The following NEGR1 variants were observed in gnomAD, a reference collection of about 807,000 sequenced individuals.
The protein encoded by NEGR1 is IgLON family member 4.
NEGR1 carries 10 observed loss-of-function variants against 40.9 expected under a neutral mutation model. The observed-to-expected ratio is 0.24, with a 90% CI of 0.15 to 0.42. The LOEUF is 0.42. Among genes scored for constraint, NEGR1 ranks in the 10% least tolerant of loss-of-function variants. NEGR1 has a pLI of 1.00. For synonymous variants in NEGR1, 185 were observed against 166.8 expected, an observed-to-expected ratio of 1.11 and a Z score of -0.84; for missense variants, 352 against 438.9, an observed-to-expected ratio of 0.80 and a Z score of 1.77.
At chr1:71,937,408 G>A (rs1362391561) in intron 1 of NEGR1, among the ~76,000 whole-genome samples, 1 of 152,182 alleles carries the variant, frequency 6.6e-6, no homozygotes, top group African/African-American at 2.4e-5. Flanking sequence ...GATAATTCTA[G>A]TGTGTCATTT....
intron 1 of NEGR1, among the ~76,000 whole-genome samples, chr1:71,994,545 AAC>A (rs1491375323): frequency 0.011 from 1,113 of 103,410 alleles, 21 homozygotes; most frequent in African/African-American, 0.045. Context: ...AAACAAAACA[AAC>A]AAAAAAAAAA....
chr1:71,463,403 A>G (rs1033025830), intron 6 of NEGR1: 1 of 152,138 alleles, frequency 6.6e-6, no homozygotes, highest in African/African-American at 2.4e-5. Flanking sequence ...AACGGGAACG[A>G]ACAATTTTTT....
chr1:71,674,620 A>AC (rs1652552684), intron 4 of NEGR1, among the ~76,000 whole-genome samples: 4 of 149,946 alleles, frequency 2.7e-5, no homozygotes, highest in Non-Finnish European at 5.9e-5. Flanking sequence ...ACACACACAC[A>AC]AATGTATACA....
intron 1 of NEGR1, among the ~76,000 whole-genome samples, chr1:72,249,386 C>T (rs1655010359): frequency 6.6e-6 from 1 of 152,146 alleles, no homozygotes; most frequent in African/African-American, 2.4e-5. Context: ...GTTTATTCTT[C>T]TTATGATTTG....
intron 3 of NEGR1, among the ~76,000 whole-genome samples, chr1:71,748,596 C>T (rs1401716821): frequency 4.6e-5 from 7 of 152,030 alleles, no homozygotes; most frequent in African/African-American, 9.7e-5. Context: ...CTTTGGTTTG[C>T]ATATTTACTT....
chr1:71,994,291 G>A (rs950960752), intron 1 of NEGR1, among the ~76,000 whole-genome samples: 3 of 152,120 alleles, frequency 2.0e-5, no homozygotes, highest in African/African-American at 7.2e-5. Flanking sequence ...CACTTTGGGA[G>A]GCCGAGGCGG....
chr1:72,137,491 A>G (rs1271711962), intron 1 of NEGR1, among the ~76,000 whole-genome samples: 1 of 152,090 alleles, frequency 6.6e-6, no homozygotes, highest in African/African-American at 2.4e-5. Context: ...AAAGTAACAC[A>G]AGAAGAGAAA....
chr1:71,860,170 G>A (rs1659901384), intron 2 of NEGR1, among the ~76,000 whole-genome samples: 1 of 150,422 alleles, frequency 6.6e-6, no homozygotes, highest in South Asian at 2.1e-4. Context: ...TGTGTGACTG[G>A]TAGAGGGCAG....
At chr1:72,225,390 CAA>C (rs1224554262) in intron 1 of NEGR1, among the ~76,000 whole-genome samples, 1 of 151,538 alleles carries the variant, frequency 6.6e-6, no homozygotes, top group Non-Finnish European at 1.5e-5. Context: ...AAATATAAAA[CAA>C]ACTTTTATTT....
chr1:72,106,497 A>T (rs776707153), intron 1 of NEGR1, among the ~76,000 whole-genome samples: 5 of 151,984 alleles, frequency 3.3e-5, no homozygotes, highest in Non-Finnish European at 7.4e-5. Flanking sequence ...TAAATTTCAG[A>T]TATCAATTTT....
At chr1:71,832,688 A>G (rs1298965233) in intron 2 of NEGR1, among the ~76,000 whole-genome samples, 1 of 152,066 alleles carries the variant, frequency 6.6e-6, no homozygotes, top group Non-Finnish European at 1.5e-5. Flanking sequence ...CCTCTTTAAC[A>G]TTGGACAGAG....
At chr1:71,705,076 T>A (rs1653841392) in intron 3 of NEGR1, among the ~76,000 whole-genome samples, 1 of 152,048 alleles carries the variant, frequency 6.6e-6, no homozygotes. Flanking sequence ...TTTAATTTTT[T>A]TCATAAAAAT....
chr1:71,604,517 TTAGAA>T (rs1367310061), intron 5 of NEGR1, among the ~76,000 whole-genome samples: 7 of 152,116 alleles, frequency 4.6e-5, no homozygotes, highest in African/African-American at 1.4e-4. Context: ...TAGTAAATAT[TTAGAA>T]TAGAAAAGAG....
chr1:72,098,643 T>C (rs1261356412), intron 1 of NEGR1, among the ~76,000 whole-genome samples: 4 of 152,124 alleles, frequency 2.6e-5, no homozygotes, highest in African/African-American at 9.7e-5. Context: ...AAATACTCTT[T>C]CTCATTTTCC....
intron 1 of NEGR1, among the ~76,000 whole-genome samples, chr1:72,064,260 C>A (rs565932570): frequency 1.3e-5 from 2 of 151,820 alleles, no homozygotes; most frequent in African/African-American, 4.8e-5. Context: ...ATTTTTACTT[C>A]GTCTTTTTCT....
At chr1:71,523,680 C>G (rs1177577276) in intron 6 of NEGR1, among the ~76,000 whole-genome samples, 1 of 151,850 alleles carries the variant, frequency 6.6e-6, no homozygotes, top group Non-Finnish European at 1.5e-5. Context: ...GCTCTCCTGC[C>G]TACTAATATT....
intron 1 of NEGR1, among the ~76,000 whole-genome samples, chr1:71,938,358 T>C (rs1391453631): frequency 6.7e-6 from 1 of 148,926 alleles, no homozygotes; most frequent in Admixed American, 6.8e-5. Flanking sequence ...ACTATGTGAA[T>C]AGGCCAAACA....
rs1160332348 is a variant in NEGR1 at position 71,654,308 on chromosome 1, T to C, written c.668-43162A>G. Among the ~76,000 whole-genome samples, 7 of 152,164 alleles carry C rather than the reference T, an allele frequency of 4.6e-5. No individual in the cohort carries two copies. The East Asian group carries it at 9.6e-4, about 21-fold the overall frequency. On this transcript the variant is annotated intron_variant, in intron 4 of 6. Transcript: ENST00000357731. Reference sequence around the variant, plus strand: ...TGCATTTGTCCAAACCTGTATTATATACAATACCAAGAGTGAACCTAATAC... The same window carrying C: ...TGCATTTGTCCAAACCTGTATTATACACAATACCAAGAGTGAACCTAATAC...
At chr1:71,689,694 A>T (rs1278052577) in intron 4 of NEGR1, among the ~76,000 whole-genome samples, 1 of 151,994 alleles carries the variant, frequency 6.6e-6, no homozygotes, top group Admixed American at 6.6e-5. Flanking sequence ...CATTATACAG[A>T]TGTCTTTCAA....
Sources: allele counts gnomAD v4.1 joint callset (sites outside exome capture counted in the v4.1 genomes callset), GRCh38; gene constraint gnomAD v4.1.1; transcripts MANE v1.5; gene names NCBI Gene and HGNC (gene_info 2026-07-23, HGNC 2026-07-21).